Variants in PLET1 observed in about 807,000 individuals in gnomAD.
PLET1 encodes the protein placenta-expressed transcript 1 protein.
A neutral mutation model predicts 18.5 loss-of-function variants in PLET1; 20 were observed. The ratio of observed to expected loss-of-function variants is 1.08; its 90% CI spans 0.76 to 1.57. The LOEUF is 1.57. Ranked by LOEUF, PLET1 falls within the 40% of genes most tolerant of loss-of-function variation. The pLI is 0.00. For synonymous variants in PLET1, 93 were observed against 93.8 expected (o/e 0.99, Z 0.05); for missense variants, 256 against 246.4 (o/e 1.04, Z -0.26).
At chr11:112,255,307 A>G (rs1395703873) in intron 2 of PLET1, 81 bp downstream of exon 2, 21 of 1,367,386 alleles carry the variant, frequency 1.5e-5, no homozygotes. Flanking sequence ...TTGTATTTTA[A>G]GTCCTCCTAG....
intron 1 of PLET1, among the ~76,000 whole-genome samples, chr11:112,256,803 G>A (rs17490906): frequency 2.0e-5 from 3 of 152,196 alleles, no homozygotes; most frequent in South Asian, 2.1e-4. Context: ...AGATCTGTGC[G>A]TCAGGTGCAG....
intron 2 of PLET1, 98 bp downstream of exon 2, chr11:112,255,290 G>T: frequency 1.6e-6 from 2 of 1,240,156 alleles, no homozygotes; most frequent in Non-Finnish European, 2.3e-6. Flanking sequence ...TCCATATCAC[G>T]TCTGGATTGT....
At chr11:112,260,184 C>G (rs1220696680) in intron 1 of PLET1, 1 of 494,924 alleles carries the variant, frequency 2.0e-6, no homozygotes. Context: ...GGGGTTGGGG[C>G]TTTCTCGCTC....
chr11:112,260,434 A>G lies in PLET1; in HGVS notation c.156T>C (p.His52=), dbSNP rs1025034938. 7 of 1,551,732 alleles carry G rather than the reference A, an allele frequency of 4.5e-6. No homozygotes were observed. In the Admixed American group the frequency reaches 5.9e-5, roughly 13 times the overall value. The change falls in exon 1 of 4, where the codon CAT becomes CAC. Residue 52 remains histidine (H), a synonymous_variant. Transcript: ENST00000338832. ...AATAGACTGCATTGCTTTCGTAGAT[A>G]TGTGAACTGGCCTTGATGTCTAGGG... ...TITLDIKASS[H]IYESNAVYSV... is the part of the protein sequence containing the mutation.
chr11:112,252,323 G>A, intron 3 of PLET1, 25 bp downstream of exon 3: 1 of 1,540,236 alleles, frequency 6.5e-7, no homozygotes, highest in South Asian at 1.2e-5. Flanking sequence ...TGCAAGACTT[G>A]CAAATGGGCT....
At chr11:112,252,302 A>G (rs1307665962) in intron 3 of PLET1, 46 bp downstream of exon 3, 1 of 1,500,002 alleles carries the variant, frequency 6.7e-7, no homozygotes. Flanking sequence ...TTCCAGGCTG[A>G]CTGAGTTCAT....
intron 3 of PLET1, among the ~76,000 whole-genome samples, chr11:112,250,534 A>G (rs1430402238): frequency 2.0e-5 from 3 of 152,162 alleles, no homozygotes; most frequent in African/African-American, 7.2e-5. Flanking sequence ...AGTTTTCTTT[A>G]CATCAATAAA....
In PLET1 at chr11:112,258,428, C is replaced by T. The variant is rs147819994; in HGVS notation, c.184+1978G>A. Among the ~76,000 whole-genome samples the T allele has an allele frequency of 6.4e-3, 976 of 151,970 alleles. 3 individuals are homozygous for T. Among genetic ancestry groups the T allele is most frequent in the South Asian group, 0.01 (50 of 4,800 alleles). On this transcript the variant is annotated intron_variant, in intron 1 of 3. Coordinates refer to ENST00000338832, the MANE Select transcript of PLET1 (RefSeq NM_001145024.1). ...CCTCCTGAGTAGCTGGGATCACAGG[C>T]GCACATCATCACGTCTGGCTAATTT...
intron 2 of PLET1, 85 bp from the exon 3 acceptor site, chr11:112,252,494 C>G: frequency 8.6e-7 from 1 of 1,163,254 alleles, no homozygotes; most frequent in East Asian, 2.6e-5. Flanking sequence ...ACTTCCCCGC[C>G]GCTTAATTCC....
chr11:112,257,132 C>G (rs1382342116), intron 1 of PLET1, among the ~76,000 whole-genome samples: 1 of 152,194 alleles, frequency 6.6e-6, no homozygotes, highest in Non-Finnish European at 1.5e-5. Flanking sequence ...ATTACAGTAT[C>G]CAACACATGT....
intron 2 of PLET1, 65 bp downstream of exon 2, chr11:112,255,323 T>G: frequency 6.8e-7 from 1 of 1,465,606 alleles, no homozygotes; most frequent in Non-Finnish European, 9.3e-7. Flanking sequence ...CCTAGCTTAG[T>G]GTAAAACTGC....
At chr11:112,254,966 GT>G (rs539941036) in intron 2 of PLET1, among the ~76,000 whole-genome samples, 3,327 of 34,910 alleles carry the variant, frequency 0.095, 71 homozygotes, top group Non-Finnish European at 0.18. Flanking sequence ...TGATATGTAT[GT>G]GAGTGTGGTG....
At chr11:112,250,429 G>A (rs956565893) in intron 3 of PLET1, among the ~76,000 whole-genome samples, 1 of 151,668 alleles carries the variant, frequency 6.6e-6, no homozygotes, top group Non-Finnish European at 1.5e-5. Flanking sequence ...CTGTAACAGC[G>A]GAAAGTCCAG....
At chr11:112,255,765 C>T (rs1860219073) in intron 1 of PLET1, among the ~76,000 whole-genome samples, 176 bp from the exon 2 acceptor site, 1 of 152,208 alleles carries the variant, frequency 6.6e-6, no homozygotes, top group African/African-American at 2.4e-5. Context: ...GGAAATACAT[C>T]AAGATATTAA....
chr11:112,258,076 A>G (rs1039552328), intron 1 of PLET1, among the ~76,000 whole-genome samples: 1 of 152,148 alleles, frequency 6.6e-6, no homozygotes, highest in Non-Finnish European at 1.5e-5. Flanking sequence ...GTTTGGGGGT[A>G]CATGGCATAA....
intron 2 of PLET1, among the ~76,000 whole-genome samples, chr11:112,254,483 GTA>G (rs1422229639): frequency 7.2e-4 from 106 of 146,412 alleles, no homozygotes; most frequent in African/African-American, 2.6e-3. Context: ...CATGTGGTAT[GTA>G]TGTGTGTGTG....
chr11:112,248,976 T>C lies in PLET1; in HGVS notation c.449-2A>G, dbSNP rs1255590036. 17 of 1,549,894 alleles carry C rather than the reference T, an allele frequency of 1.1e-5. No homozygotes were observed. Among genetic ancestry groups the C allele is most frequent in the Non-Finnish European group, 1.4e-5 (16 of 1,146,816 alleles). ...TGGCAGCTAAGGCTAAGGTTGACACTGGAAAGGTGGTTGAGGGTGCGGTTG... is the reference window on the plus strand; with the variant it reads ...TGGCAGCTAAGGCTAAGGTTGACACCGGAAAGGTGGTTGAGGGTGCGGTTG... On this transcript the variant is annotated splice_acceptor_variant, in intron 3 of 3. Coordinates refer to ENST00000338832, the MANE Select transcript of PLET1 (RefSeq NM_001145024.1). LOFTEE classifies it high-confidence loss of function.
rs1860165765 is a variant in PLET1, at chr11:112,252,427, A to T, written c.387-18T>A. 6.5e-7 allele frequency: 1 copy of T among 1,547,318 alleles called. No homozygotes were observed. Among genetic ancestry groups the T allele is most frequent in the Non-Finnish European group, 8.7e-7 (1 of 1,143,244 alleles). ...TGAAAGCTCTGTGGAGGGCAAATCA[A>T]TGAGAGATAATGCTGAGGACCTCAT... On this transcript the variant is annotated intron_variant, in intron 2 of 3. Coordinates refer to ENST00000338832, the MANE Select transcript of PLET1 (RefSeq NM_001145024.1).
At chr11:112,257,114 G>T (rs1357496538) in intron 1 of PLET1, among the ~76,000 whole-genome samples, 1 of 152,132 alleles carries the variant, frequency 6.6e-6, no homozygotes, top group Non-Finnish European at 1.5e-5. Context: ...TTTGCCTCTG[G>T]TCTGTTGATT....
Sources: allele counts gnomAD v4.1 joint callset (sites outside exome capture counted in the v4.1 genomes callset), GRCh38; gene constraint gnomAD v4.1.1; transcripts MANE v1.5; gene names NCBI Gene and HGNC (gene_info 2026-07-23, HGNC 2026-07-21).